Variants in SMIM10L3 observed in about 807,000 individuals in gnomAD.
SMIM10L3 encodes salivary gland specific protein SAGSIN1.
chr7:6,338,609 T>C, the SMIM10L3 span: 1 of 152,276 alleles, frequency 6.6e-6, no homozygotes, highest in African/African-American at 2.4e-5. Context: ...GAAACGAGGC[T>C]GTCCAGGTAT....
At chr7:6,347,933 G>T in the SMIM10L3 span, among the ~76,000 whole-genome samples, 2 of 119,710 alleles carry the variant, frequency 1.7e-5, no homozygotes, top group South Asian at 5.4e-4. Context: ...TTATTGAGAT[G>T]GAGTTTCCCT....
the SMIM10L3 span, among the ~76,000 whole-genome samples, chr7:6,339,818 G>T: frequency 6.0e-4 from 91 of 151,794 alleles, no homozygotes; most frequent in African/African-American, 2.0e-3. Context: ...CGGTCCCCTG[G>T]ATGCTCACAG....
At chr7:6,330,968 G>A in the SMIM10L3 span, 1 of 1,614,256 alleles carries the variant, frequency 6.2e-7, no homozygotes, top group Non-Finnish European at 8.5e-7. Context: ...CTCATTTCCA[G>A]TGATAATGCC....
chr7:6,344,186 C>T, the SMIM10L3 span, among the ~76,000 whole-genome samples: 12 of 151,284 alleles, frequency 7.9e-5, no homozygotes, highest in Admixed American at 4.6e-4. Flanking sequence ...CCCCCTTATT[C>T]CTTCAGATTC....
chr7:6,330,581 G>C, the SMIM10L3 span: 2 of 1,614,172 alleles, frequency 1.2e-6, no homozygotes, highest in Non-Finnish European at 1.7e-6. Context: ...GTTGCAGACA[G>C]GATGGAGTGC....
At chr7:6,341,304 C>T in the SMIM10L3 span, among the ~76,000 whole-genome samples, 1 of 149,346 alleles carries the variant, frequency 6.7e-6, no homozygotes, top group South Asian at 2.1e-4. Flanking sequence ...TTGGCTGGGC[C>T]TGGTGGCGGG....
At chr7:6,335,683 T>G in the SMIM10L3 span, among the ~76,000 whole-genome samples, 1 of 152,166 alleles carries the variant, frequency 6.6e-6, no homozygotes, top group Non-Finnish European at 1.5e-5. Flanking sequence ...TTGTGGGACA[T>G]GCTGAAAAGT....
the SMIM10L3 span, among the ~76,000 whole-genome samples, chr7:6,331,506 G>A: frequency 9.9e-5 from 15 of 151,026 alleles, no homozygotes; most frequent in Admixed American, 6.6e-4. Context: ...TTGCTCTGTC[G>A]CCCACGCTGG....
At chr7:6,341,170 C>A in the SMIM10L3 span, among the ~76,000 whole-genome samples, 52 of 146,648 alleles carry the variant, frequency 3.5e-4, no homozygotes, top group African/African-American at 1.2e-3. Flanking sequence ...GCTGGCCAGG[C>A]ACAGTGGCTC....
the SMIM10L3 span, among the ~76,000 whole-genome samples, chr7:6,342,551 G>C: frequency 2.6e-5 from 4 of 151,926 alleles, no homozygotes; most frequent in African/African-American, 9.7e-5. Context: ...AAAAAAAAGT[G>C]ATCTTTTTGA....
chr7:6,334,267 G>C, the SMIM10L3 span, among the ~76,000 whole-genome samples: 3 of 151,504 alleles, frequency 2.0e-5, no homozygotes, highest in East Asian at 6.1e-4. Context: ...TGGGCGCAGT[G>C]GCTCACGCCT....
chr7:6,331,951 G>GGCCAGGTGAAATTA, the SMIM10L3 span, among the ~76,000 whole-genome samples: 1 of 151,416 alleles, frequency 6.6e-6, no homozygotes, highest in Non-Finnish European at 1.5e-5. Flanking sequence ...TCGCCATGTT[G>GGCCAGGTGAAATTA]GCCAGGTGAA....
chr7:6,348,700 G>A, the SMIM10L3 span: 1 of 442,008 alleles, frequency 2.3e-6, no homozygotes, highest in East Asian at 3.5e-5. Flanking sequence ...GACCCCATAG[G>A]AGCGGGCGGC....
chr7:6,330,917 C>A, the SMIM10L3 span: 10 of 1,614,066 alleles, frequency 6.2e-6, no homozygotes, highest in Non-Finnish European at 8.5e-6. Flanking sequence ...AGCACTGGGC[C>A]GCCACTGTGA....
At chr7:6,340,980 A>AT in the SMIM10L3 span, among the ~76,000 whole-genome samples, 3 of 140,958 alleles carry the variant, frequency 2.1e-5, no homozygotes, top group Non-Finnish European at 4.6e-5. Flanking sequence ...AAAAAAAAAA[A>AT]AAAAATTCAA....
At chr7:6,340,184 C>T in the SMIM10L3 span, among the ~76,000 whole-genome samples, 1,933 of 152,264 alleles carry the variant, frequency 0.013, 24 homozygotes, top group Non-Finnish European at 0.019. Context: ...CGCGCCCGGC[C>T]CCTCCCAGGA....
At chr7:6,345,474 T>C in the SMIM10L3 span, among the ~76,000 whole-genome samples, 2 of 152,080 alleles carry the variant, frequency 1.3e-5, 1 homozygote, top group South Asian at 4.1e-4. Context: ...TGGCAGATAC[T>C]ACAATAGTCC....
At chr7:6,348,938 G>A in the SMIM10L3 span, 3 of 381,910 alleles carry the variant, frequency 7.9e-6, no homozygotes, top group African/African-American at 6.3e-5. Flanking sequence ...TCCGCGAGCA[G>A]CCGCCTGTAC....
the SMIM10L3 span, among the ~76,000 whole-genome samples, chr7:6,339,383 G>C: frequency 5.3e-5 from 8 of 152,066 alleles, no homozygotes; most frequent in Non-Finnish European, 2.9e-5. Flanking sequence ...TGGGAGGATC[G>C]TTTGAGCCTA....
Sources: gnomAD v4.1 joint callset for allele counts (sites outside exome capture counted in the v4.1 genomes callset) on GRCh38, gnomAD v4.1.1 for gene constraint, MANE v1.5 for transcripts, NCBI Gene and HGNC (gene_info 2026-07-23, HGNC 2026-07-21) for gene names.